Variants in TSPAN14 observed in about 807,000 individuals in gnomAD.
TSPAN14 encodes the protein tetraspanin-14.
In TSPAN14, 16 loss-of-function variants were observed where a neutral mutation model predicts 36.6. The observed-to-expected ratio is 0.44, with a 90% CI of 0.30 to 0.66. The LOEUF (loss-of-function observed/expected upper bound fraction) is 0.66, where lower values mean the gene tolerates loss of function less well. TSPAN14 is among the 30% of genes least tolerant of loss of function. The pLI, the probability that TSPAN14 is intolerant of heterozygous loss-of-function variation, is 0.12. For missense variants in TSPAN14, 231 were observed against 355.1 expected (o/e 0.65, Z 2.81); for synonymous variants, 139 against 143.8 (o/e 0.97, Z 0.24).
chr10:80,472,048 G>A (rs539098841), intron 1 of TSPAN14, among the ~76,000 whole-genome samples: 1 of 152,236 alleles, frequency 6.6e-6, no homozygotes, highest in Non-Finnish European at 1.5e-5. Context: ...TGAGGTAGGA[G>A]GATCACTTGA....
chr10:80,484,805 C>T (rs1847500602), intron 1 of TSPAN14, among the ~76,000 whole-genome samples: 1 of 152,022 alleles, frequency 6.6e-6, no homozygotes, highest in Non-Finnish European at 1.5e-5. Flanking sequence ...TTTCCTGTTG[C>T]CTCAAAAGTT....
chr10:80,493,925 A>G (rs988254489), intron 2 of TSPAN14, among the ~76,000 whole-genome samples: 2 of 152,186 alleles, frequency 1.3e-5, no homozygotes, highest in African/African-American at 2.4e-5. Flanking sequence ...TGCCGAGTGA[A>G]TCCTCTAGAG....
intron 2 of TSPAN14, 90 bp from the exon 3 acceptor site, chr10:80,504,638 A>G (rs376416627): frequency 7.3e-6 from 11 of 1,508,266 alleles, no homozygotes; most frequent in East Asian, 4.5e-5. Flanking sequence ...AGCATGCCCT[A>G]CCTGGCAGTG....
At chr10:80,474,137 C>T (rs1179234174) in intron 1 of TSPAN14, among the ~76,000 whole-genome samples, 1 of 152,000 alleles carries the variant, frequency 6.6e-6, no homozygotes, top group African/African-American at 2.4e-5. Flanking sequence ...AGAAACTCCG[C>T]CTTCCTTGGG....
At chr10:80,512,015 C>T (rs992360772) in intron 5 of TSPAN14, 129 bp from the exon 6 acceptor site, 14 of 1,418,104 alleles carry the variant, frequency 9.9e-6, no homozygotes, top group East Asian at 4.7e-5. Context: ...AGGTAGGGGG[C>T]GGGCCTTGAT....
chr10:80,512,106 C>G (rs1352893945), intron 5 of TSPAN14, 38 bp from the exon 6 acceptor site: 1 of 1,613,536 alleles, frequency 6.2e-7, no homozygotes, highest in South Asian at 1.1e-5. Flanking sequence ...ATGGCCCTGT[C>G]TTGGAGCCCC....
rs917668830 is a variant in TSPAN14 at position 80,479,574 on chromosome 10, C to G, written c.-17-9643C>G. On this transcript the variant is annotated intron_variant, in intron 1 of 8. Coordinates refer to ENST00000429989, the Ensembl canonical transcript of TSPAN14. ...AATCCTTTCCCCATTGCTTGTTTTT[C>G]TCAGGTTTGTCAAAGATCAGATAGT... Among the ~76,000 whole-genome samples the G allele has an allele frequency of 7.2e-5, 11 of 152,098 alleles. No individual in the cohort carries two copies. In the East Asian group the frequency reaches 7.7e-4, roughly 11 times the overall value.
At chr10:80,504,802 CTG>C in intron 3 of TSPAN14, 24 bp downstream of exon 3, 1 of 1,614,090 alleles carries the variant, frequency 6.2e-7, no homozygotes, top group East Asian at 2.2e-5. Flanking sequence ...TCGCAGGACA[CTG>C]AGCTTCAGGC....
intron 8 of TSPAN14, among the ~76,000 whole-genome samples, chr10:80,517,506 T>G (rs1246220137): frequency 6.6e-6 from 1 of 152,260 alleles, no homozygotes; most frequent in African/African-American, 2.4e-5. Flanking sequence ...AATCGACGTT[T>G]ACAGGAAACA....
At chr10:80,493,719 T>A (rs1272876706) in intron 2 of TSPAN14, among the ~76,000 whole-genome samples, 17 of 152,036 alleles carry the variant, frequency 1.1e-4, no homozygotes, top group Admixed American at 1.1e-3. Context: ...AGACAGGAAG[T>A]AGAATGTTGG....
At chr10:80,480,778 T>A (rs1847226382) in intron 1 of TSPAN14, among the ~76,000 whole-genome samples, 1 of 150,438 alleles carries the variant, frequency 6.6e-6, no homozygotes, top group African/African-American at 2.5e-5. Context: ...TGGGGACTGT[T>A]GTGCGGTGGG....
chr10:80,512,615 A>G (rs921274307), intron 6 of TSPAN14, among the ~76,000 whole-genome samples: 1 of 152,216 alleles, frequency 6.6e-6, no homozygotes, highest in Admixed American at 6.5e-5. Flanking sequence ...GCAGATTCCT[A>G]GAACTCAACA....
exon 9 of TSPAN14, chr10:80,519,308 CT>C: frequency 6.5e-6 from 1 of 152,830 alleles, no homozygotes; most frequent in Non-Finnish European, 1.5e-5. Context: ...CCTGTCAGGG[CT>C]TTTCTGGGGC....
chr10:80,503,971 T>A (rs1840136385), intron 2 of TSPAN14, among the ~76,000 whole-genome samples: 1 of 152,058 alleles, frequency 6.6e-6, no homozygotes, highest in Non-Finnish European at 1.5e-5. Context: ...GTGTGATGTA[T>A]TTGGGTGGGC....
At chr10:80,507,117 C>A in intron 3 of TSPAN14, 111 bp from the exon 4 acceptor site, 2 of 1,411,768 alleles carry the variant, frequency 1.4e-6, no homozygotes, top group East Asian at 2.5e-5. Flanking sequence ...AACAAGAGGG[C>A]TGAGCCTGGG....
At chr10:80,463,953 T>C (rs1199735196) in intron 1 of TSPAN14, among the ~76,000 whole-genome samples, 1 of 152,238 alleles carries the variant, frequency 6.6e-6, no homozygotes, top group Non-Finnish European at 1.5e-5. Context: ...CCTGTCTCCG[T>C]GACCTCCATA....
chr10:80,469,088 A>G (rs1189437797), intron 1 of TSPAN14, among the ~76,000 whole-genome samples: 2 of 150,484 alleles, frequency 1.3e-5, no homozygotes, highest in African/African-American at 4.9e-5. Context: ...TTGGAAATGG[A>G]GCTAGTTCGA....
intron 1 of TSPAN14, among the ~76,000 whole-genome samples, chr10:80,465,295 C>T (rs966241791): frequency 6.6e-6 from 1 of 151,712 alleles, no homozygotes; most frequent in African/African-American, 2.4e-5. Flanking sequence ...CCAGTGCTCC[C>T]GTTCCTCACG....
At chr10:80,485,824 G>T (rs1270476962) in intron 1 of TSPAN14, 1 of 418,136 alleles carries the variant, frequency 2.4e-6, no homozygotes, top group Non-Finnish European at 3.2e-6. Context: ...TCTTCTGTGG[G>T]TTGAGGATGG....
Sources: gnomAD v4.1 joint callset for allele counts (sites outside exome capture counted in the v4.1 genomes callset) on GRCh38, gnomAD v4.1.1 for gene constraint, MANE v1.5 for transcripts, NCBI Gene and HGNC (gene_info 2026-07-23, HGNC 2026-07-21) for gene names.